The following KLC1 variants were observed in gnomAD, a reference collection of about 807,000 sequenced individuals.
KLC1 encodes the protein kinesin light chain 1.
Under a neutral mutation model 84.2 loss-of-function variants are expected in KLC1, and 30 were observed. The ratio of observed to expected loss-of-function variants is 0.36; its 90% confidence interval spans 0.27 to 0.48. KLC1 has a LOEUF of 0.48. Among genes scored for constraint, KLC1 ranks in the 20% least tolerant of loss-of-function variants. The pLI, the probability that KLC1 is intolerant of heterozygous loss-of-function variation, is 0.99. For missense variants in KLC1, 499 were observed against 805.4 expected (o/e 0.62, Z 4.60); for synonymous variants, 289 against 293.3 (o/e 0.99, Z 0.15).
At chr14:103,691,241 C>T (rs8021229) in intron 14 of KLC1, among the ~76,000 whole-genome samples, 40,011 of 150,198 alleles carry the variant, frequency 0.27, 6,299 homozygotes, top group East Asian at 0.34. Context: ...TCACTGCAAC[C>T]TCTGCCTCCT....
chr14:103,668,538 C>A (rs1351321733), intron 5 of KLC1, among the ~76,000 whole-genome samples: 1 of 151,978 alleles, frequency 6.6e-6, no homozygotes, highest in Non-Finnish European at 1.5e-5. Context: ...AGTGCAGTGG[C>A]GCGATCTATG....
At position 103,701,285 on chromosome 14, in the gene KLC1, C is replaced by A; in HGVS notation, c.*86C>A. On this transcript the variant is annotated 3_prime_UTR_variant, in exon 17 of 17. Transcript: ENST00000334553. ...GGGACAGCCAGGGCGGCAGGGAGGG[C>A]CCCTGGCCGGGAGCCGCAGCGCTCA... The A allele has an allele frequency of 6.9e-7, 1 of 1,452,004 alleles. No homozygotes were observed. Among genetic ancestry groups the A allele is most frequent in the Non-Finnish European group, 9.4e-7 (1 of 1,065,230 alleles). The allele number at this position is 1,452,004 out of a possible 1,614,324, so 89.9% of individuals were successfully genotyped here.
At chr14:103,687,048 C>T in intron 13 of KLC1, 33 bp from the exon 14 acceptor site, 5 of 1,500,928 alleles carry the variant, frequency 3.3e-6, no homozygotes, top group Non-Finnish European at 4.5e-6. Context: ...GGAGAACCAC[C>T]TGCAGCTTCA....
intron 1 of KLC1, among the ~76,000 whole-genome samples, chr14:103,639,303 A>G (rs940462306): frequency 2.6e-5 from 4 of 151,714 alleles, no homozygotes; most frequent in African/African-American, 9.7e-5. Flanking sequence ...GCTAATTTTT[A>G]TATTTTTAGT....
chr14:103,633,010 ACTT>A (rs1363784702), intron 1 of KLC1, among the ~76,000 whole-genome samples: 1 of 151,744 alleles, frequency 6.6e-6, no homozygotes, highest in Non-Finnish European at 1.5e-5. Flanking sequence ...GCCTTGAATG[ACTT>A]CTTAGAAGTC....
intron 7 of KLC1, among the ~76,000 whole-genome samples, chr14:103,672,263 T>G (rs2080455110): frequency 6.6e-6 from 1 of 152,172 alleles, no homozygotes; most frequent in South Asian, 2.1e-4. Flanking sequence ...CTTACCTCCC[T>G]GAGGACCACA....
intron 14 of KLC1, among the ~76,000 whole-genome samples, chr14:103,688,341 G>C (rs977475079): frequency 2.0e-4 from 30 of 152,100 alleles, no homozygotes; most frequent in African/African-American, 6.3e-4. Context: ...AGTAGAAACG[G>C]GGTTTCACCA....
At chr14:103,684,605 C>A (rs1226839583) in intron 13 of KLC1, among the ~76,000 whole-genome samples, 1 of 152,244 alleles carries the variant, frequency 6.6e-6, no homozygotes, top group African/African-American at 2.4e-5. Flanking sequence ...GAGGAGGAGG[C>A]AGCTGGGTCG....
At chr14:103,642,225 G>A (rs765967539) in intron 1 of KLC1, among the ~76,000 whole-genome samples, 1 of 152,044 alleles carries the variant, frequency 6.6e-6, no homozygotes, top group East Asian at 1.9e-4. Context: ...CCACTGCTCA[G>A]CCCCTGGGTT....
intron 1 of KLC1, among the ~76,000 whole-genome samples, chr14:103,632,382 G>A (rs1199826354): frequency 2.0e-5 from 3 of 151,776 alleles, no homozygotes; most frequent in Admixed American, 6.6e-5. Context: ...CCGAGATCAC[G>A]TCACTGCAGT....
At chr14:103,668,531 G>A (rs1242276107) in intron 5 of KLC1, among the ~76,000 whole-genome samples, 1 of 151,576 alleles carries the variant, frequency 6.6e-6, no homozygotes, top group Admixed American at 6.6e-5. Flanking sequence ...AGGCTTTAGT[G>A]CAGTGGCGCG....
chr14:103,639,995 T>C (rs1309775869), intron 1 of KLC1, among the ~76,000 whole-genome samples: 1 of 152,106 alleles, frequency 6.6e-6, no homozygotes. Flanking sequence ...GCTCAAGAGA[T>C]CCACCCGCCT....
intron 14 of KLC1, among the ~76,000 whole-genome samples, chr14:103,691,458 CTTTTTTTTTTTT>C (rs71126053): frequency 2.0e-4 from 14 of 68,830 alleles, no homozygotes; most frequent in South Asian, 1.3e-3. Flanking sequence ...CCACGCCTGG[CTTTTTTTTTTTT>C]TTTTTTTTTT....
intron 15 of KLC1, chr14:103,699,186 G>A (rs1331335605): frequency 1.3e-6 from 2 of 1,560,496 alleles, no homozygotes; most frequent in Non-Finnish European, 1.7e-6. Context: ...TCACCTGGAA[G>A]AGCACAGTCC....
chr14:103,674,497 C>G (rs2080713391), intron 9 of KLC1, among the ~76,000 whole-genome samples: 1 of 151,922 alleles, frequency 6.6e-6, no homozygotes, highest in African/African-American at 2.4e-5. Context: ...TCACTGCAAC[C>G]TCTGCCTCCT....
chr14:103,693,728 CTAGA>C lies in KLC1; in HGVS notation c.1848+1307_1848+1310del. ...CAGCCGCACTCCTTGGCTTCCTTTC[CTAGA>C]TAGTGACGTCCACCAACCTTGGAGG... On this transcript the variant is annotated intron_variant, in intron 15 of 16. Coordinates refer to ENST00000334553, the MANE Select transcript of KLC1 (RefSeq NM_001394837.1). The surrounding 1 kb of genome is among the most constrained non-coding windows in gnomAD (Gnocchi z 5.1). The C allele has an allele frequency of 2.0e-6, 3 of 1,474,272 alleles. No individual in the cohort carries two copies. Among genetic ancestry groups the C allele is most frequent in the East Asian group, 2.5e-5 (1 of 39,486 alleles). The allele number at this position is 1,474,272 out of a possible 1,614,324, so 91.3% of individuals were successfully genotyped here.
chr14:103,687,126 C>T lies in KLC1; in HGVS notation c.1696C>T (p.Arg566Trp), dbSNP rs777736775. 1.8e-4 allele frequency: 280 copies of T among 1,546,916 alleles called. No homozygotes were observed. Among genetic ancestry groups the T allele is most frequent in the Non-Finnish European group, 2.3e-4 (266 of 1,143,378 alleles). Residue 566 changes from arginine (R) to tryptophan (W), a missense_variant, in exon 14 of 17, where the codon CGG becomes TGG. Arg to Trp is a moderately radical substitution (Grantham distance 101). Transcript: ENST00000334553. ...ACGCAGTGGTTCCTTTAGCAAACTC[C>T]GGGCTTCCATTAGACGCAGCAGTGA... Reference protein sequence around the residue: ...LKRSGSFSKLRASIRRSSEKL... With the variant: ...LKRSGSFSKLWASIRRSSEKL...
At chr14:103,675,454 C>A in intron 9 of KLC1, 98 bp from the exon 10 acceptor site, 3 of 981,370 alleles carry the variant, frequency 3.1e-6, no homozygotes, top group Non-Finnish European at 4.6e-6. Flanking sequence ...TTTTCGAGTG[C>A]CGACTTGACA....
At chr14:103,651,671 G>C (rs1015894295) in intron 1 of KLC1, among the ~76,000 whole-genome samples, 1 of 152,178 alleles carries the variant, frequency 6.6e-6, no homozygotes, top group Non-Finnish European at 1.5e-5. Flanking sequence ...ACTCCGTGCT[G>C]CTCCTCTAGC....
Sources: allele counts gnomAD v4.1 joint callset (sites outside exome capture counted in the v4.1 genomes callset), GRCh38; gene constraint gnomAD v4.1.1; non-coding constraint Gnocchi (gnomAD v3.1); transcripts MANE v1.5; gene names NCBI Gene and HGNC (gene_info 2026-07-23, HGNC 2026-07-21).